RBMS3: variants seen among roughly 807,000 people sequenced by gnomAD.
RBMS3 encodes RNA binding motif single stranded interacting protein 3.
RBMS3 carries 27 observed loss-of-function variants against 66.8 expected under a neutral mutation model. The observed-to-expected ratio is 0.40, with a 90% confidence interval of 0.30 to 0.56. The LOEUF (loss-of-function observed/expected upper bound fraction) is 0.56. Ranked by LOEUF, RBMS3 falls within the 20% of genes least tolerant of loss-of-function variation. The pLI, the probability that RBMS3 is intolerant of heterozygous loss-of-function variation, is 0.40. For synonymous variants in RBMS3, 188 were observed against 183.0 expected (o/e 1.03, Z -0.22); for missense variants, 513 against 549.5 (o/e 0.93, Z 0.66).
chr3:29,617,780 G>GA (rs1372012764), intron 4 of RBMS3, among the ~76,000 whole-genome samples: 4 of 152,008 alleles, frequency 2.6e-5, no homozygotes, highest in Non-Finnish European at 4.4e-5. Context: ...AAATTCTATG[G>GA]AAAAAATCAA....
intron 2 of RBMS3, among the ~76,000 whole-genome samples, chr3:29,439,738 C>T (rs866337309): frequency 7.2e-5 from 11 of 152,176 alleles, no homozygotes; most frequent in South Asian, 2.1e-4. Flanking sequence ...AGGTATATCT[C>T]CTAATGCTAT....
chr3:29,468,001 CTT>C (rs768683905), intron 2 of RBMS3, among the ~76,000 whole-genome samples: 2 of 152,124 alleles, frequency 1.3e-5, no homozygotes, highest in Non-Finnish European at 2.9e-5. Flanking sequence ...TGCTTTACCT[CTT>C]TGCCTGTTGG....
intron 3 of RBMS3, among the ~76,000 whole-genome samples, chr3:29,561,816 T>G (rs1277029307): frequency 6.6e-6 from 1 of 152,176 alleles, no homozygotes; most frequent in Non-Finnish European, 1.5e-5. Context: ...TCCATTTCTC[T>G]AACAATCAGT....
At chr3:29,293,713 A>T (rs1446848752) in intron 1 of RBMS3, among the ~76,000 whole-genome samples, 1 of 148,344 alleles carries the variant, frequency 6.7e-6, no homozygotes, top group Admixed American at 6.7e-5. Context: ...TAGGGCTAAT[A>T]TTTTTTTTTT....
At position 29,587,909 on chromosome 3, in the gene RBMS3, T is replaced by G. The variant is rs545106334; in HGVS notation, c.399+704T>G. ...TATTTTATTATCTAAGAAAATAAGT[T>G]AAATTATTTACAATCCTTTTGTGTC... On this transcript the variant is annotated intron_variant, in intron 4 of 14. Coordinates refer to ENST00000383767, the MANE Select transcript of RBMS3 (RefSeq NM_001003793.3). Among the ~76,000 whole-genome samples, 19 of 152,208 alleles carry G rather than the reference T, an allele frequency of 1.2e-4. No homozygotes were observed. The East Asian group carries it at 3.3e-3, about 26-fold the overall frequency.
chr3:29,725,202 T>C (rs1339752819), intron 4 of RBMS3, among the ~76,000 whole-genome samples: 4 of 152,208 alleles, frequency 2.6e-5, no homozygotes, highest in Admixed American at 6.5e-5. Context: ...AACTAAGATG[T>C]ATGCATTACT....
chr3:29,702,665 G>A (rs530419752), intron 4 of RBMS3, among the ~76,000 whole-genome samples: 7 of 151,940 alleles, frequency 4.6e-5, no homozygotes, highest in African/African-American at 1.7e-4. Flanking sequence ...TGGATAGGAG[G>A]AATGAACAAC....
chr3:29,843,265 A>T (rs184053977), intron 6 of RBMS3, among the ~76,000 whole-genome samples: 3 of 152,332 alleles, frequency 2.0e-5, no homozygotes, highest in Admixed American at 2.0e-4. Flanking sequence ...AATATGCTGC[A>T]TATTTTTAGA....
intron 4 of RBMS3, among the ~76,000 whole-genome samples, chr3:29,705,054 A>T (rs911877309): frequency 6.6e-6 from 1 of 152,230 alleles, no homozygotes; most frequent in Non-Finnish European, 1.5e-5. Flanking sequence ...GCATGTGATG[A>T]GGCCCTAGAT....
At chr3:29,369,742 A>T (rs1307117725) in intron 1 of RBMS3, among the ~76,000 whole-genome samples, 1 of 152,130 alleles carries the variant, frequency 6.6e-6, no homozygotes, top group Non-Finnish European at 1.5e-5. Context: ...TGTGGAATAG[A>T]TTATTGATCC....
chr3:29,725,520 A>C (rs1445942071), intron 4 of RBMS3, among the ~76,000 whole-genome samples: 1 of 152,066 alleles, frequency 6.6e-6, no homozygotes, highest in Non-Finnish European at 1.5e-5. Flanking sequence ...TAGACACAAT[A>C]AAAATAATAA....
At position 29,853,423 on chromosome 3, in the gene RBMS3, C is replaced by CTTTTTTTTTTTT. The variant is rs71091081; in HGVS notation, c.638-15424_638-15413dup. Among the ~76,000 whole-genome samples the CTTTTTTTTTTTT allele has an allele frequency of 2.3e-3, 195 of 84,532 alleles. 18 individuals are homozygous for CTTTTTTTTTTTT. The highest frequency in any genetic ancestry group is 8.9e-3 in the African/African-American group (163 of 18,412). 55.5% of individuals were successfully genotyped at this position (84,532 alleles called of 152,430 possible). On this transcript the variant is annotated intron_variant, in intron 6 of 14. Transcript: ENST00000383767. Reference sequence around the variant, plus strand: ...TGTATCTTAAGCTACAATTTACTTTCTTTTTTTTTTTTTTTTTTTTTTGCA... The same window carrying CTTTTTTTTTTTT: ...TGTATCTTAAGCTACAATTTACTTTCTTTTTTTTTTTTTTTTTTTTTTTTTTTTTTTTTTGCA...
chr3:29,993,330 A>G (rs1335269491), intron 14 of RBMS3, among the ~76,000 whole-genome samples: 1 of 145,754 alleles, frequency 6.9e-6, no homozygotes, highest in African/African-American at 2.6e-5. Flanking sequence ...TCAACGGGTT[A>G]TATGTGGGGA....
chr3:29,724,721 C>T (rs56306147), intron 4 of RBMS3, among the ~76,000 whole-genome samples: 2,278 of 151,990 alleles, frequency 0.015, 49 homozygotes, highest in African/African-American at 0.051. Context: ...GCTGAGACAC[C>T]GTTTAAAAAT....
At chr3:29,870,103 A>G (rs1261871264) in intron 7 of RBMS3, among the ~76,000 whole-genome samples, 1 of 152,182 alleles carries the variant, frequency 6.6e-6, no homozygotes, top group East Asian at 1.9e-4. Context: ...CAGAATCATC[A>G]CTGAGCATCA....
chr3:29,727,220 A>G (rs1006552931), intron 4 of RBMS3, among the ~76,000 whole-genome samples: 1 of 152,198 alleles, frequency 6.6e-6, no homozygotes, highest in Non-Finnish European at 1.5e-5. Flanking sequence ...TTAACTCATG[A>G]TGGATTAAAA....
At chr3:29,321,920 C>T (rs80121485) in intron 1 of RBMS3, among the ~76,000 whole-genome samples, 1,687 of 152,030 alleles carry the variant, frequency 0.011, 41 homozygotes, top group African/African-American at 0.038. Context: ...GAAGAAAAAG[C>T]ATGTTTAGTG....
chr3:29,398,660 A>G (rs183155327), intron 1 of RBMS3, among the ~76,000 whole-genome samples: 1 of 152,256 alleles, frequency 6.6e-6, no homozygotes, highest in African/African-American at 2.4e-5. Context: ...GGTGACCAGG[A>G]TGTCTAGAAA....
intron 4 of RBMS3, among the ~76,000 whole-genome samples, chr3:29,674,784 C>T (rs1027933698): frequency 1.1e-4 from 17 of 150,274 alleles, no homozygotes; most frequent in Non-Finnish European, 1.8e-4. Context: ...ACATTCCATG[C>T]TCATGGATAG....
Sources: gnomAD v4.1 joint callset for allele counts (sites outside exome capture counted in the v4.1 genomes callset) on GRCh38, gnomAD v4.1.1 for gene constraint, MANE v1.5 for transcripts, NCBI Gene and HGNC (gene_info 2026-07-23, HGNC 2026-07-21) for gene names.